SDHB: variants seen among roughly 807,000 people sequenced by gnomAD.
SDHB encodes succinate dehydrogenase complex iron sulfur subunit B.
A neutral mutation model predicts 39.7 loss-of-function variants in SDHB; 21 were observed. The ratio of observed to expected loss-of-function variants is 0.53; its 90% CI spans 0.37 to 0.76. The LOEUF is 0.76. Ranked by LOEUF, SDHB falls within the 30% of genes least tolerant of loss-of-function variation. SDHB has a pLI of 0.00. For synonymous variants in SDHB, 118 were observed against 117.0 expected (o/e 1.01, Z -0.06); for missense variants, 343 against 350.9 (o/e 0.98, Z 0.18).
chr1:17,046,864 T>C (rs2078112975), intron 1 of SDHB, among the ~76,000 whole-genome samples: 1 of 151,988 alleles, frequency 6.6e-6, no homozygotes. Context: ...ATTACAGGCA[T>C]GTGCTACCAG....
At chr1:17,026,094 C>G (rs1442522080) in intron 5 of SDHB, among the ~76,000 whole-genome samples, 1 of 152,238 alleles carries the variant, frequency 6.6e-6, no homozygotes, top group East Asian at 1.9e-4. Context: ...TCTTCAATCC[C>G]TAATAATACC....
intron 3 of SDHB, among the ~76,000 whole-genome samples, chr1:17,032,122 T>C (rs1020604706): frequency 1.3e-5 from 2 of 152,156 alleles, no homozygotes; most frequent in Admixed American, 6.5e-5. Flanking sequence ...ATCTCTTGGG[T>C]TTTCTTTAAC....
At chr1:17,028,015 T>A (rs1288146632) in intron 4 of SDHB, 150 bp from the exon 5 acceptor site, 1 of 657,962 alleles carries the variant, frequency 1.5e-6, no homozygotes, top group Non-Finnish European at 2.7e-6. Context: ...GTCATGAATA[T>A]ATGCAAAGAT....
rs1231783823 is a variant in SDHB at position 17,044,777 on chromosome 1, C to T, written c.184G>A (p.Glu62Lys). The change falls in exon 2 of 8, where the codon GAA becomes AAA. Residue 62 changes from glutamate (E) to lysine (K), a missense_variant. By Grantham distance (56) the Glu-to-Lys change is moderately conservative. Transcript: ENST00000375499. ...GATACTCACTTATTAAGGTCAACTT[C>T]ATAAGTCTGCATATGAGGTTTGTCT... ...AGDKPHMQTYEVDLNKCGPMV... is the reference protein window; with the variant it reads ...AGDKPHMQTYKVDLNKCGPMV... 2 of 1,614,128 alleles carry T rather than the reference C, an allele frequency of 1.2e-6. No homozygotes were observed. Among genetic ancestry groups the T allele is most frequent in the South Asian group, 1.1e-5 (1 of 91,082 alleles).
At chr1:17,027,545 A>G in intron 5 of SDHB, 1 of 581,412 alleles carries the variant, frequency 1.7e-6, no homozygotes, top group East Asian at 3.0e-5. Context: ...ACAGGGCTCT[A>G]GCTCCTTGGT....
At chr1:17,052,592 A>G (rs932566648) in intron 1 of SDHB, 2 of 152,284 alleles carry the variant, frequency 1.3e-5, no homozygotes, top group Non-Finnish European at 2.9e-5. Flanking sequence ...TATAAAAGGA[A>G]CAGGTAAACA....
intron 1 of SDHB, among the ~76,000 whole-genome samples, chr1:17,048,221 T>C (rs2078124518): frequency 6.6e-6 from 1 of 152,246 alleles, no homozygotes; most frequent in African/African-American, 2.4e-5. Flanking sequence ...AAGAATGTTA[T>C]ATCAATATAA....
chr1:17,037,869 G>A (rs1481272675), intron 2 of SDHB, among the ~76,000 whole-genome samples: 1 of 152,078 alleles, frequency 6.6e-6, no homozygotes, highest in Non-Finnish European at 1.5e-5. Context: ...AGGCACAGTG[G>A]CTCACACCTG....
At chr1:17,030,977 G>A (rs1287264083) in intron 3 of SDHB, among the ~76,000 whole-genome samples, 2 of 134,004 alleles carry the variant, frequency 1.5e-5, no homozygotes, top group African/African-American at 2.8e-5. Context: ...TTTTTTAATG[G>A]AAAGGGAGTC....
chr1:17,044,369 G>GGAAA (rs1334019308), intron 2 of SDHB, among the ~76,000 whole-genome samples: 3 of 150,022 alleles, frequency 2.0e-5, no homozygotes, highest in Non-Finnish European at 4.4e-5. Flanking sequence ...CTGTTGCCCA[G>GGAAA]GCTGGAGTGC....
At chr1:17,045,107 A>G in intron 1 of SDHB, 1 of 546,088 alleles carries the variant, frequency 1.8e-6, no homozygotes, top group South Asian at 2.1e-5. Flanking sequence ...CACAGCACTT[A>G]ATACACAAAA....
Position 17,045,707 on chromosome 1 carries a change from C to G in SDHB, c.73-819G>C, listed in dbSNP as rs150657370. Among the ~76,000 whole-genome samples, 609 of 152,224 alleles carry G rather than the reference C, an allele frequency of 4.0e-3. 11 individuals are homozygous for G. Among genetic ancestry groups the G allele is most frequent in the East Asian group, 0.011 (56 of 5,190 alleles). On this transcript the variant is annotated intron_variant, in intron 1 of 7. Transcript: ENST00000375499. Reference sequence around the variant, plus strand: ...AGTAAAAACTCGGAAGGTTAATTGACTAATTACAAAAAGATGCAGTGGTGT... The same window carrying G: ...AGTAAAAACTCGGAAGGTTAATTGAGTAATTACAAAAAGATGCAGTGGTGT...
intron 7 of SDHB, among the ~76,000 whole-genome samples, chr1:17,021,895 C>G (rs2077963939): frequency 6.6e-6 from 1 of 152,256 alleles, no homozygotes; most frequent in African/African-American, 2.4e-5. Flanking sequence ...TAAAATTACC[C>G]AGTCTGAAAT....
chr1:17,025,594 G>C (rs1447981771), intron 5 of SDHB, among the ~76,000 whole-genome samples: 1 of 152,028 alleles, frequency 6.6e-6, no homozygotes, highest in Non-Finnish European at 1.5e-5. Flanking sequence ...AGTTTTTGTA[G>C]AGACAGGGTC....
chr1:17,019,879 C>T lies in SDHB; in HGVS notation c.766-921G>A, dbSNP rs570017654. Among the ~76,000 whole-genome samples the T allele has an allele frequency of 7.1e-4, 108 of 152,204 alleles. 1 individual carries two copies. Among genetic ancestry groups the T allele is most frequent in the African/African-American group, 2.5e-3 (102 of 41,516 alleles). On this transcript the variant is annotated intron_variant, in intron 7 of 7. Transcript: ENST00000375499. ...TCTCAAGTAACTGAAACTACAGGTGCGTGCCACCACACCTGGCTAATTAAA... is the reference window on the plus strand; with the variant it reads ...TCTCAAGTAACTGAAACTACAGGTGTGTGCCACCACACCTGGCTAATTAAA...
At position 17,018,828 on chromosome 1, in the gene SDHB, T is replaced by A; in HGVS notation, c.*53A>T. 8 of 1,284,816 alleles carry A rather than the reference T, an allele frequency of 6.2e-6. No individual in the cohort carries two copies. The highest frequency in any genetic ancestry group is 7.9e-6 in the Non-Finnish European group (7 of 881,888). The allele number at this position is 1,284,816 out of a possible 1,614,324, so 79.6% of individuals were successfully genotyped here. On this transcript the variant is annotated 3_prime_UTR_variant, in exon 8 of 8. Coordinates refer to ENST00000375499, the MANE Select transcript of SDHB (RefSeq NM_003000.3). ...TCTTTAAAGGAACTCAAATTAGATA[T>A]AAATTATGTTCAGCTCTGAGCTGGT... is the stretch of plus-strand genomic sequence containing the variant.
At position 17,053,974 on chromosome 1, in the gene SDHB, T is replaced by C. The variant is rs1433760506; in HGVS notation, c.46A>G (p.Thr16Ala). 4 of 1,613,198 alleles carry C rather than the reference T, an allele frequency of 2.5e-6. No individual in the cohort carries two copies. The highest frequency in any genetic ancestry group is 2.2e-5 in the East Asian group (1 of 44,866). ...ALSLRRRLPA[T>A]TLGGACLQAS... ...TGCAGGCAGGCTCCGCCAAGGGTTG[T>C]GGCCGGCAACCGGCGCCTCAAGGAG... The change falls in exon 1 of 8, where the codon ACA becomes GCA. Residue 16 changes from threonine (T) to alanine (A), a missense_variant. By Grantham distance (58) the Thr-to-Ala change is moderately conservative. Coordinates refer to ENST00000375499, the MANE Select transcript of SDHB (RefSeq NM_003000.3).
At chr1:17,032,991 G>A (rs990190444) in intron 3 of SDHB, 69 bp downstream of exon 3, 4 of 1,199,106 alleles carry the variant, frequency 3.3e-6, no homozygotes, top group Admixed American at 1.7e-5. Flanking sequence ...GTCTCTATCA[G>A]CTTTGGCCAG....
At chr1:17,023,635 T>C (rs2077975217) in intron 6 of SDHB, among the ~76,000 whole-genome samples, 1 of 152,214 alleles carries the variant, frequency 6.6e-6, no homozygotes, top group Admixed American at 6.5e-5. Flanking sequence ...TCTCCCCTGC[T>C]TGCTCGCTAC....
Sources: allele counts gnomAD v4.1 joint callset (sites outside exome capture counted in the v4.1 genomes callset), GRCh38; gene constraint gnomAD v4.1.1; transcripts MANE v1.5; gene names NCBI Gene and HGNC (gene_info 2026-07-23, HGNC 2026-07-21).